The following HOXC10 variants were observed in gnomAD, a reference collection of about 807,000 sequenced individuals.
HOXC10 encodes homeobox C10.
Under a neutral mutation model 26.0 loss-of-function variants are expected in HOXC10, and 15 were observed. That is an observed-to-expected ratio of 0.58 (90% confidence interval 0.39 to 0.89). The LOEUF is 0.89. Among genes scored for constraint, HOXC10 ranks in the 40% least tolerant of loss-of-function variants. The pLI is 0.00. For synonymous variants in HOXC10, 196 were observed against 185.5 expected, an observed-to-expected ratio of 1.06 and a Z score of -0.46; for missense variants, 446 against 451.9, an observed-to-expected ratio of 0.99 and a Z score of 0.12.
chr12:53,987,948 A>G (rs1011886726), intron 1 of HOXC10, among the ~76,000 whole-genome samples: 11 of 152,142 alleles, frequency 7.2e-5, no homozygotes, highest in Non-Finnish European at 1.0e-4. Context: ...AGATTTTTTT[A>G]GACTGCAACC....
chr12:53,989,696 G>A lies in HOXC10; in HGVS notation c.*250G>A, dbSNP rs1304577531. 18 of 519,168 alleles carry A rather than the reference G, an allele frequency of 3.5e-5. No individual in the cohort carries two copies. The highest frequency in any genetic ancestry group is 5.8e-5 in the Non-Finnish European group (17 of 295,242). The allele number at this position is 519,168 out of a possible 1,614,324, so 32.2% of individuals were successfully genotyped here. On this transcript the variant is annotated 3_prime_UTR_variant, in exon 2 of 2. Transcript: ENST00000303460. ...TGCCCTCATAGATGGGGGTGGGAGT[G>A]TGGCTGGTGTGTGTGTCAAGCCCTC... is the stretch of plus-strand genomic sequence containing the variant.
At position 53,985,343 on chromosome 12, in the gene HOXC10, C is replaced by A. The variant is rs771378651; in HGVS notation, c.84C>A (p.Ser28Arg). The A allele has an allele frequency of 1.2e-6, 2 of 1,613,196 alleles. No individual in the cohort carries two copies. The highest frequency in any genetic ancestry group is 1.3e-5 in the African/African-American group (1 of 74,914). ...APGGGERYSR[S>R]AGMYMQSGSD... is the part of the protein sequence containing the mutation. Reference sequence around the variant, plus strand: ...GCGGAGGAGAGCGCTATAGCCGGAGCGCAGGCATGTATATGCAGTCTGGGA... The same window carrying A: ...GCGGAGGAGAGCGCTATAGCCGGAGAGCAGGCATGTATATGCAGTCTGGGA... The change falls in exon 1 of 2, where the codon AGC (serine) becomes AGA (arginine). Residue 28 changes from serine to arginine, a missense_variant. By Grantham distance (110) the Ser-to-Arg change is moderately radical. Coordinates refer to ENST00000303460, the MANE Select transcript of HOXC10 (RefSeq NM_017409.4).
Position 53,986,921 on chromosome 12 carries a change from T to C in HOXC10, c.751+911T>C, listed in dbSNP as rs182188754. On this transcript the variant is annotated intron_variant, in intron 1 of 1. Transcript: ENST00000303460. ...CTCAGGGTTCAAGATTCATTTCTGC[T>C]GTAGGAGCTGGGGGCCTTCGGGATC... 5.8e-3 allele frequency among the ~76,000 whole-genome samples: 876 copies of C among 152,270 alleles called. 4 individuals are homozygous for C. Among genetic ancestry groups the C allele is most frequent in the Non-Finnish European group, 9.6e-3 (652 of 68,026 alleles).
intron 1 of HOXC10, among the ~76,000 whole-genome samples, chr12:53,986,995 G>A (rs935686917): frequency 1.4e-4 from 21 of 150,334 alleles, no homozygotes; most frequent in African/African-American, 5.3e-4. Flanking sequence ...GAGCAGGGGA[G>A]GAAAAGCTGA....
rs1249495350 is a variant in HOXC10 at position 53,989,661 on chromosome 12, G to GT, written c.*216dup. 2 of 589,218 alleles carry GT rather than the reference G, an allele frequency of 3.4e-6. No individual in the cohort carries two copies. Among genetic ancestry groups the GT allele is most frequent in the Non-Finnish European group, 6.0e-6 (2 of 335,574 alleles). 36.5% of individuals were successfully genotyped at this position (589,218 alleles called of 1,614,324 possible). On this transcript the variant is annotated 3_prime_UTR_variant, in exon 2 of 2. Transcript: ENST00000303460. Reference sequence around the variant, plus strand: ...GAGAAATGGGGTGCCGGGATGTGGGGTGTGGTGTGTGCCCTCATAGATGGG... The same window carrying GT: ...GAGAAATGGGGTGCCGGGATGTGGGGTTGTGGTGTGTGCCCTCATAGATGGG...
At chr12:53,986,222 T>G in intron 1 of HOXC10, 4 of 558,662 alleles carry the variant, frequency 7.2e-6, no homozygotes, top group Admixed American at 3.6e-5. Flanking sequence ...GTGTCGGCCC[T>G]GCCCCGGCCA....
Position 53,985,818 on chromosome 12 carries a change from C to T in HOXC10, c.559C>T (p.Leu187=). ...RASLNPRAEH[L]ESPQLGGKVS... is the part of the protein sequence containing the mutation. ...CAGTCTCAACCCGCGCGCCGAACAT[C>T]TGGAATCGCCTCAGCTGGGGGGCAA... Residue 187 remains leucine (L), a synonymous_variant, in exon 1 of 2, where the codon CTG becomes TTG. Coordinates refer to ENST00000303460, the MANE Select transcript of HOXC10 (RefSeq NM_017409.4). The T allele has an allele frequency of 1.2e-6, 2 of 1,613,860 alleles. No homozygotes were observed. Among genetic ancestry groups the T allele is most frequent in the Non-Finnish European group, 1.7e-6 (2 of 1,180,022 alleles).
Position 53,985,198 on chromosome 12 carries a change from A to C in HOXC10, c.-62A>C. Reference sequence around the variant, plus strand: ...ACCGCGCCCCCCCTCCCGGATGGGGAAAAAAAAAGATGTCAGCTCCTCCGC... The same window carrying C: ...ACCGCGCCCCCCCTCCCGGATGGGGCAAAAAAAAGATGTCAGCTCCTCCGC... On this transcript the variant is annotated 5_prime_UTR_variant, in exon 1 of 2. Coordinates refer to ENST00000303460, the MANE Select transcript of HOXC10 (RefSeq NM_017409.4). 1 of 906,620 alleles carries C rather than the reference A, an allele frequency of 1.1e-6. No homozygotes were observed. The highest frequency in any genetic ancestry group is 1.3e-6 in the Non-Finnish European group (1 of 744,630). 56.2% of individuals were successfully genotyped at this position (906,620 alleles called of 1,614,324 possible). A position where few individuals can be genotyped will look rare whatever the true frequency, so the allele number is the denominator to read the frequency against.
intron 1 of HOXC10, chr12:53,986,245 C>T: frequency 2.1e-6 from 1 of 470,026 alleles, no homozygotes; most frequent in Non-Finnish European, 3.7e-6. Context: ...GGTGCTAAGG[C>T]GGGGGCGGTG....
chr12:53,986,035 C>T (rs1939429605), intron 1 of HOXC10, 25 bp downstream of exon 1: 1 of 1,524,794 alleles, frequency 6.6e-7, no homozygotes, highest in Non-Finnish European at 8.8e-7. Flanking sequence ...GCCGCGGGCG[C>T]CACTGGGACG....
intron 1 of HOXC10, among the ~76,000 whole-genome samples, chr12:53,988,071 G>C (rs1035443721): frequency 7.2e-5 from 11 of 152,154 alleles, no homozygotes; most frequent in African/African-American, 1.2e-4. Flanking sequence ...AGGGAGGAGA[G>C]AGAGCTCAGA....
Position 53,989,267 on chromosome 12 carries a change from GAGAA to G in HOXC10, c.855_858del (p.Lys285AsnfsTer8). 4 of 1,614,202 alleles carry G rather than the reference GAGAA, an allele frequency of 2.5e-6. No individual in the cohort carries two copies. Among genetic ancestry groups the G allele is most frequent in the South Asian group, 1.1e-5 (1 of 91,086 alleles). ...TACTAAACACCAGACGCTGGAATTGGAGAAAGAATTTCTGTTCAATATGTATTTG... is the reference window on the plus strand; with the variant it reads ...TACTAAACACCAGACGCTGGAATTGGAGAATTTCTGTTCAATATGTATTTG... On this transcript the variant is annotated frameshift_variant, in exon 2 of 2. Coordinates refer to ENST00000303460, the MANE Select transcript of HOXC10 (RefSeq NM_017409.4). LOFTEE classifies it high-confidence loss of function.
In HOXC10 at chr12:53,987,928, C is replaced by T. The variant is rs143222075; in HGVS notation, c.752-1241C>T. On this transcript the variant is annotated intron_variant, in intron 1 of 1. Coordinates refer to ENST00000303460, the MANE Select transcript of HOXC10 (RefSeq NM_017409.4). ...AGGTGCAGAGACAGGAGAGAAAATTCGGGACATTCAGATTTTTTTAGACTG... is the reference window on the plus strand; with the variant it reads ...AGGTGCAGAGACAGGAGAGAAAATTTGGGACATTCAGATTTTTTTAGACTG... Among the ~76,000 whole-genome samples the T allele has an allele frequency of 7.0e-5, 10 of 141,966 alleles. No homozygotes were observed. In the East Asian group the frequency reaches 1.8e-3, roughly 26 times the overall value. The allele number at this position is 141,966 out of a possible 152,430, so 93.1% of individuals were successfully genotyped here. A position where few individuals can be genotyped will look rare whatever the true frequency, so the allele number is the denominator to read the frequency against.
At chr12:53,986,920 C>T (rs74089850) in intron 1 of HOXC10, among the ~76,000 whole-genome samples, 1,908 of 152,220 alleles carry the variant, frequency 0.013, 46 homozygotes, top group African/African-American at 0.044. Flanking sequence ...TTCATTTCTG[C>T]TGTAGGAGCT....
intron 1 of HOXC10, 40 bp downstream of exon 1, chr12:53,986,050 G>A (rs568438481): frequency 2.0e-6 from 3 of 1,508,966 alleles, no homozygotes; most frequent in Admixed American, 2.2e-5. Flanking sequence ...GGGACGTTCC[G>A]GCACTTGGTC....
intron 1 of HOXC10, among the ~76,000 whole-genome samples, chr12:53,987,125 T>C (rs1470284317): frequency 6.6e-6 from 1 of 152,124 alleles, no homozygotes; most frequent in Admixed American, 6.5e-5. Context: ...AAGGGGCTCA[T>C]TGGGTGTAGA....
In HOXC10 at chr12:53,989,553, G is replaced by A. The variant is rs1250660592; in HGVS notation, c.*107G>A. The A allele has an allele frequency of 6.0e-6, 7 of 1,166,026 alleles. No individual in the cohort carries two copies. Among genetic ancestry groups the A allele is most frequent in the South Asian group, 3.3e-5 (2 of 61,336 alleles). The allele number at this position is 1,166,026 out of a possible 1,614,324, so 72.2% of individuals were successfully genotyped here. ...TCCTCCCTGAGTATAAATGCAATGC[G>A]ACTGCAAAAAAGGCAAAGACCTCAG... On this transcript the variant is annotated 3_prime_UTR_variant, in exon 2 of 2. Coordinates refer to ENST00000303460, the MANE Select transcript of HOXC10 (RefSeq NM_017409.4).
In HOXC10 at chr12:53,989,789, G is replaced by A. The variant is rs1939490158; in HGVS notation, c.*343G>A. 1 of 251,912 alleles carries A rather than the reference G, an allele frequency of 4.0e-6. No individual in the cohort carries two copies. The highest frequency in any genetic ancestry group is 7.5e-6 in the Non-Finnish European group (1 of 133,246). The allele number at this position is 251,912 out of a possible 1,614,324, so 15.6% of individuals were successfully genotyped here. A position where few individuals can be genotyped will look rare whatever the true frequency, so the allele number is the denominator to read the frequency against. On this transcript the variant is annotated 3_prime_UTR_variant, in exon 2 of 2. Coordinates refer to ENST00000303460, the MANE Select transcript of HOXC10 (RefSeq NM_017409.4). ...AAGTTAAGATCGAATCCATCCGCTT[G>A]TAGGGGAAAAAAAGGAAAAAAATTA...
At position 53,989,567 on chromosome 12, in the gene HOXC10, C is replaced by G; in HGVS notation, c.*121C>G. On this transcript the variant is annotated 3_prime_UTR_variant, in exon 2 of 2. Transcript: ENST00000303460. ...AAATGCAATGCGACTGCAAAAAAGG[C>G]AAAGACCTCAGACTCTCCTTCCAAG... is the stretch of plus-strand genomic sequence containing the variant. 1 of 959,204 alleles carries G rather than the reference C, an allele frequency of 1.0e-6. No homozygotes were observed. The highest frequency in any genetic ancestry group is 2.6e-5 in the East Asian group (1 of 38,044). The allele number at this position is 959,204 out of a possible 1,614,324, so 59.4% of individuals were successfully genotyped here.
Sources: gnomAD v4.1 joint callset for allele counts (sites outside exome capture counted in the v4.1 genomes callset) on GRCh38, gnomAD v4.1.1 for gene constraint, MANE v1.5 for transcripts, NCBI Gene and HGNC (gene_info 2026-07-23, HGNC 2026-07-21) for gene names.